The following CEP63 variants were observed in gnomAD, a reference collection of about 807,000 sequenced individuals.
CEP63 encodes the protein centrosomal protein of 63 kDa.
A neutral mutation model predicts 89.1 loss-of-function variants in CEP63; 84 were observed. That is an observed-to-expected ratio of 0.94 (90% CI 0.79 to 1.13). CEP63 has a LOEUF of 1.13. CEP63 is among the 50% of genes most tolerant of loss of function. The pLI, the probability that CEP63 is intolerant of heterozygous loss-of-function variation, is 0.00. For missense variants in CEP63, 838 were observed against 813.3 expected (o/e 1.03, Z -0.37); for synonymous variants, 267 against 272.5 (o/e 0.98, Z 0.20).
At chr3:134,695,154 C>T in the CEP63 span, among the ~76,000 whole-genome samples, 1 of 152,168 alleles carries the variant, frequency 6.6e-6, no homozygotes, top group South Asian at 2.1e-4. Context: ...AGGGACTGGG[C>T]TCTCTGTGCT....
At chr3:134,647,382 G>T in the CEP63 span, 2 of 1,337,718 alleles carry the variant, frequency 1.5e-6, no homozygotes, top group Non-Finnish European at 2.1e-6. Flanking sequence ...AATTCTTCCA[G>T]TTATTATTCA....
chr3:134,629,631 G>A, the CEP63 span: 1 of 1,600,158 alleles, frequency 6.2e-7, no homozygotes, highest in South Asian at 1.1e-5. Context: ...GTTTAGCCAA[G>A]GAGAACTTCT....
chr3:134,682,131 G>A, the CEP63 span, among the ~76,000 whole-genome samples: 2 of 152,112 alleles, frequency 1.3e-5, no homozygotes, highest in African/African-American at 4.8e-5. Context: ...CATGAACTGG[G>A]GCTCTGGTCT....
chr3:134,678,761 C>T, the CEP63 span, among the ~76,000 whole-genome samples: 5 of 152,198 alleles, frequency 3.3e-5, no homozygotes, highest in Admixed American at 1.3e-4. Flanking sequence ...CCATACCCAC[C>T]TCACTGTGCT....
At chr3:134,517,927 AAG>A (rs1436384132) in intron 3 of CEP63, among the ~76,000 whole-genome samples, 1 of 152,204 alleles carries the variant, frequency 6.6e-6, no homozygotes, top group Non-Finnish European at 1.5e-5. Context: ...AGAATGTAAA[AAG>A]AAGGACATTT....
chr3:134,558,014 A>C, intron 12 of CEP63, 128 bp from the exon 13 acceptor site: 1 of 791,352 alleles, frequency 1.3e-6, no homozygotes, highest in South Asian at 1.5e-5. Flanking sequence ...AGGCCTAAAA[A>C]CAAAGCTTCA....
the CEP63 span, among the ~76,000 whole-genome samples, chr3:134,647,253 GACTCCAGGGAACACTTC>G: frequency 6.6e-6 from 1 of 152,226 alleles, no homozygotes; most frequent in Admixed American, 6.5e-5. Flanking sequence ...CAGGGGACCT[GACTCCAGGGAACACTTC>G]CCACAGTCAC....
the CEP63 span, among the ~76,000 whole-genome samples, chr3:134,705,820 G>A: frequency 6.6e-6 from 1 of 152,144 alleles, no homozygotes; most frequent in Non-Finnish European, 1.5e-5. Flanking sequence ...GGATATAGAT[G>A]GGAAGAGGTA....
chr3:134,640,816 T>C, the CEP63 span, among the ~76,000 whole-genome samples: 16 of 152,202 alleles, frequency 1.1e-4, no homozygotes, highest in African/African-American at 3.9e-4. Context: ...ATCCACACCA[T>C]GGGGGAACCT....
intron 1 of CEP63, chr3:134,486,575 C>G (rs1040969415): frequency 4.1e-6 from 4 of 973,258 alleles, no homozygotes; most frequent in Admixed American, 6.5e-5. Context: ...GCGAGCTGCG[C>G]CCAGTACTCA....
At chr3:134,643,390 A>G in the CEP63 span, 1 of 1,612,980 alleles carries the variant, frequency 6.2e-7, no homozygotes, top group Non-Finnish European at 8.5e-7. Flanking sequence ...TATTTAAGGA[A>G]GACAGAGAGG....
chr3:134,512,567 A>G (rs185909159), intron 3 of CEP63, among the ~76,000 whole-genome samples: 13 of 152,314 alleles, frequency 8.5e-5, no homozygotes, highest in Admixed American at 6.5e-4. Context: ...ATAAGAAAAA[A>G]TAGTAATCTT....
the CEP63 span, among the ~76,000 whole-genome samples, chr3:134,773,545 C>T: frequency 6.6e-6 from 1 of 152,356 alleles, no homozygotes; most frequent in South Asian, 2.1e-4. Context: ...TCTCTCACAG[C>T]AAACCATTTC....
At chr3:134,627,534 T>A in the CEP63 span, among the ~76,000 whole-genome samples, 1 of 152,216 alleles carries the variant, frequency 6.6e-6, no homozygotes, top group African/African-American at 2.4e-5. Context: ...GGTTTATACT[T>A]TAGCTTTAGG....
At chr3:134,503,840 G>GTTTCCATTTGTGTAGGATATTT (rs141445032) in intron 2 of CEP63, among the ~76,000 whole-genome samples, 99,578 of 151,246 alleles carry the variant, frequency 0.66, 33,144 homozygotes, top group East Asian at 0.81. Context: ...CATGTTTTTG[G>GTTTCCATTTGTGTAGGATATTT]TTTCCCATCT....
At chr3:134,692,778 G>T in the CEP63 span, among the ~76,000 whole-genome samples, 1 of 152,138 alleles carries the variant, frequency 6.6e-6, no homozygotes, top group African/African-American at 2.4e-5. Flanking sequence ...GTTTGCCTGG[G>T]ACTGCCCTGG....
chr3:134,656,122 A>G, the CEP63 span, among the ~76,000 whole-genome samples: 1 of 152,198 alleles, frequency 6.6e-6, no homozygotes, highest in Non-Finnish European at 1.5e-5. Flanking sequence ...ACTATGTGCA[A>G]TGCCATAGGA....
chr3:134,689,150 T>C, the CEP63 span, among the ~76,000 whole-genome samples: 3 of 145,526 alleles, frequency 2.1e-5, no homozygotes, highest in African/African-American at 8.4e-5. Context: ...TCTCTCTCCC[T>C]CTCTCTCTCT....
chr3:134,715,421 G>A, the CEP63 span, among the ~76,000 whole-genome samples: 1 of 152,112 alleles, frequency 6.6e-6, no homozygotes, highest in African/African-American at 2.4e-5. Flanking sequence ...TTCTGGGGTA[G>A]CCTGCATTAT....
Sources: allele counts gnomAD v4.1 joint callset (sites outside exome capture counted in the v4.1 genomes callset), GRCh38; gene constraint gnomAD v4.1.1; transcripts MANE v1.5; gene names NCBI Gene and HGNC (gene_info 2026-07-23, HGNC 2026-07-21).